DAB2IP: variants seen among roughly 807,000 people sequenced by gnomAD.
DAB2IP encodes the protein disabled homolog 2-interacting protein.
DAB2IP carries 28 observed loss-of-function variants against 107.2 expected under a neutral mutation model. The observed-to-expected ratio is 0.26, with a 90% confidence interval of 0.19 to 0.36. The LOEUF is 0.36. Ranked by LOEUF, DAB2IP falls within the 10% of genes least tolerant of loss-of-function variation. The pLI, the probability that DAB2IP is intolerant of heterozygous loss-of-function variation, is 1.00. For synonymous variants in DAB2IP, 755 were observed against 706.4 expected (o/e 1.07, Z -1.09); for missense variants, 1,400 against 1,644.7 (o/e 0.85, Z 2.57).
Position 121,567,379 on chromosome 9 carries a change from C to T in DAB2IP, c.40+151C>T, listed in dbSNP as rs549151363. 67 of 1,171,288 alleles carry T rather than the reference C, an allele frequency of 5.7e-5. 1 individual carries two copies. In the Middle Eastern group the frequency reaches 1.3e-3, roughly 24 times the overall value. 72.6% of individuals were successfully genotyped at this position (1,171,288 alleles called of 1,614,324 possible). ...TGGGACCCATGGGTGGGCATGGGTG[C>T]GTTGGGCTATGAGACTCAGGGCTGG... is the stretch of plus-strand genomic sequence containing the variant. On this transcript the variant is annotated intron_variant, in intron 1 of 16. Transcript: ENST00000259371.
At chr9:121,591,742 T>C (rs1224337301) in intron 1 of DAB2IP, among the ~76,000 whole-genome samples, 2 of 152,136 alleles carry the variant, frequency 1.3e-5, no homozygotes, top group Non-Finnish European at 2.9e-5. Context: ...AGATAAACAT[T>C]TGGGAATCAT....
At position 121,711,695 on chromosome 9, in the gene DAB2IP, G is replaced by A. The variant is rs112158753; in HGVS notation, c.362+12237G>A. ...ATTGCTGGCTCAGCAACAGGTAGTG[G>A]GTCATATGTATTTGAAAAAAGTCAT... is the stretch of plus-strand genomic sequence containing the variant. On this transcript the variant is annotated intron_variant, in intron 3 of 15. Coordinates refer to ENST00000408936, the Ensembl canonical transcript of DAB2IP. Among the ~76,000 whole-genome samples the A allele has an allele frequency of 2.2e-3, 340 of 152,278 alleles. 2 individuals carry two copies. The highest frequency in any genetic ancestry group is 7.8e-3 in the African/African-American group (324 of 41,554).
At chr9:121,605,580 C>A (rs1189530085) in intron 1 of DAB2IP, among the ~76,000 whole-genome samples, 1 of 152,028 alleles carries the variant, frequency 6.6e-6, no homozygotes, top group Non-Finnish European at 1.5e-5. Context: ...CTGACTGCAA[C>A]CTCCACCTCC....
chr9:121,665,408 A>G (rs556334580), intron 1 of DAB2IP, among the ~76,000 whole-genome samples: 2 of 152,224 alleles, frequency 1.3e-5, no homozygotes, highest in Non-Finnish European at 2.9e-5. Flanking sequence ...TTGGGGGGAA[A>G]ATAGTTTACA....
At chr9:121,763,467 A>C in intron 6 of DAB2IP, 38 bp from the exon 7 acceptor site, 1 of 1,583,590 alleles carries the variant, frequency 6.3e-7, no homozygotes, top group Non-Finnish European at 8.6e-7. Context: ...ATGCCAGGCC[A>C]GCTCAGGTCC....
rs938197879 is a variant in DAB2IP, at chr9:121,599,063, C to T, written c.40+31835C>T. 6.6e-6 allele frequency among the ~76,000 whole-genome samples: 1 copy of T among 152,106 alleles called. No individual in the cohort carries two copies. Among genetic ancestry groups the T allele is most frequent in the African/African-American group, 2.4e-5 (1 of 41,420 alleles). On this transcript the variant is annotated intron_variant, in intron 1 of 16. Coordinates refer to the DAB2IP transcript ENST00000259371. The surrounding 1 kb of genome is among the most constrained non-coding windows in gnomAD (Gnocchi z 6.9). Reference sequence around the variant, plus strand: ...CAAGCTCTAGTTCCCCCCATTAGTCCCCGGCTCCTGAGGTTGGAGATCCAC... The same window carrying T: ...CAAGCTCTAGTTCCCCCCATTAGTCTCCGGCTCCTGAGGTTGGAGATCCAC...
intron 1 of DAB2IP, among the ~76,000 whole-genome samples, chr9:121,614,775 C>T (rs1218730627): frequency 1.3e-5 from 2 of 148,462 alleles, no homozygotes; most frequent in African/African-American, 5.0e-5. Context: ...GCTCTATTGT[C>T]CAGGCTGGAG....
At chr9:121,761,934 G>A (rs1395551563) in intron 6 of DAB2IP, among the ~76,000 whole-genome samples, 1 of 152,160 alleles carries the variant, frequency 6.6e-6, no homozygotes, top group Non-Finnish European at 1.5e-5. Context: ...GCTGGCCTGG[G>A]AAGCGGATTC....
At position 121,772,925 on chromosome 9, in the gene DAB2IP, G is replaced by C. The variant is rs750080163; in HGVS notation, c.2397G>C (p.Thr799=). 4.5e-6 allele frequency: 7 copies of C among 1,555,920 alleles called. No homozygotes were observed. Among genetic ancestry groups the C allele is most frequent in the Middle Eastern group, 1.7e-4 (1 of 5,794 alleles). ...CAGTGAACCTGGCAGGGCTGGCCAC[G>C]GTGCGGCGGGCAGGCCAGACACCAA... Residue 799 remains threonine, a synonymous_variant, in exon 12 of 16, where the codon ACG becomes ACC. Coordinates refer to ENST00000408936, the Ensembl canonical transcript of DAB2IP. The surrounding 1 kb of genome is among the most constrained non-coding windows in gnomAD (Gnocchi z 4.7).
Position 121,699,444 on chromosome 9 carries a change from C to G in DAB2IP, c.348C>G (p.Ala116=). The change falls in exon 3 of 16, where the codon GCC becomes GCG. Residue 116 remains alanine, a synonymous_variant. Transcript: ENST00000408936. This position sits in a 1 kb window ranked among gnomAD's most constrained non-coding sequence, Gnocchi z 6.2. ...GGTTCCGGAGCGCCGCCGCCGCCGC[C>G]GCGGACAATGAGAGGTGAGCCCGCC... 1 of 1,435,558 alleles carries G rather than the reference C, an allele frequency of 7.0e-7. No homozygotes were observed. The allele number at this position is 1,435,558 out of a possible 1,614,324, so 88.9% of individuals were successfully genotyped here.
chr9:121,698,250 C>T lies in DAB2IP; in HGVS notation c.229-1075C>T, dbSNP rs1829525955. On this transcript the variant is annotated intron_variant, in intron 2 of 15. Transcript: ENST00000408936. The surrounding 1 kb of genome is among the most constrained non-coding windows in gnomAD (Gnocchi z 4.1). Reference sequence around the variant, plus strand: ...AACACCCCCCTCTTTAGAGGACTCCCCCTCCTCCAGTTTTCCTCTCCCTCA... The same window carrying T: ...AACACCCCCCTCTTTAGAGGACTCCTCCTCCTCCAGTTTTCCTCTCCCTCA... Among the ~76,000 whole-genome samples, 1 of 152,148 alleles carries T rather than the reference C, an allele frequency of 6.6e-6. No individual in the cohort carries two copies. Among genetic ancestry groups the T allele is most frequent in the African/African-American group, 2.4e-5 (1 of 41,422 alleles).
At chr9:121,713,485 G>A (rs979317978) in intron 3 of DAB2IP, among the ~76,000 whole-genome samples, 15 of 152,176 alleles carry the variant, frequency 9.9e-5, no homozygotes, top group African/African-American at 2.9e-4. Context: ...CACCATTCCC[G>A]ACTCTCACCC....
At chr9:121,640,698 T>G (rs1302841224) in intron 1 of DAB2IP, among the ~76,000 whole-genome samples, 1 of 152,182 alleles carries the variant, frequency 6.6e-6, no homozygotes, top group Non-Finnish European at 1.5e-5. Flanking sequence ...AACTGGCCCT[T>G]CCTTACTTTG....
chr9:121,765,184 A>T (rs1028672461), intron 8 of DAB2IP, among the ~76,000 whole-genome samples: 1 of 152,130 alleles, frequency 6.6e-6, no homozygotes, highest in Admixed American at 6.5e-5. Flanking sequence ...TCCCATTCCC[A>T]GCTGGGCTGT....
At chr9:121,591,884 G>A (rs1830428097) in intron 1 of DAB2IP, among the ~76,000 whole-genome samples, 1 of 152,230 alleles carries the variant, frequency 6.6e-6, no homozygotes, top group Non-Finnish European at 1.5e-5. Context: ...GTCAGATGAG[G>A]TAGCCAAGGA....
chr9:121,730,468 G>A (rs1181517327), intron 3 of DAB2IP, among the ~76,000 whole-genome samples: 1 of 152,196 alleles, frequency 6.6e-6, no homozygotes, highest in South Asian at 2.1e-4. Context: ...CAGGAAGAGA[G>A]GAGTCAGTGA....
At chr9:121,774,180 G>A in intron 12 of DAB2IP, 80 bp from the exon 13 acceptor site, 1 of 1,415,686 alleles carries the variant, frequency 7.1e-7, no homozygotes, top group Non-Finnish European at 9.3e-7. Context: ...GCTTGTCCTT[G>A]TGGCTCACCT....
At chr9:121,605,927 A>G (rs1475896352) in intron 1 of DAB2IP, among the ~76,000 whole-genome samples, 1 of 152,222 alleles carries the variant, frequency 6.6e-6, no homozygotes, top group Admixed American at 6.5e-5. Context: ...GGAGTCACAT[A>G]ACTGTTCTGG....
rs1381203474 is a variant in DAB2IP at position 121,767,014 on chromosome 9, A to G, written c.1697+284A>G. Among the ~76,000 whole-genome samples the G allele has an allele frequency of 3.3e-5, 5 of 152,368 alleles. No individual in the cohort carries two copies. The East Asian group carries it at 9.6e-4, about 29-fold the overall frequency. On this transcript the variant is annotated intron_variant, in intron 9 of 15. Transcript: ENST00000408936. ...CTTTTTTGAATTAATGTATTATTAT[A>G]AGGATTCTCACATATCCCTTAACAT...
Sources: gnomAD v4.1 joint callset for allele counts (sites outside exome capture counted in the v4.1 genomes callset) on GRCh38, gnomAD v4.1.1 for gene constraint, Gnocchi (gnomAD v3.1) non-coding constraint, MANE v1.5 for transcripts, NCBI Gene and HGNC (gene_info 2026-07-23, HGNC 2026-07-21) for gene names.